The following BYSL variants were observed in gnomAD, a reference collection of about 807,000 sequenced individuals.
BYSL encodes the protein bystin.
A neutral mutation model predicts 45.4 loss-of-function variants in BYSL; 21 were observed. That is an observed-to-expected ratio of 0.46 (90% CI 0.33 to 0.67). The LOEUF (loss-of-function observed/expected upper bound fraction) is 0.67, where lower values mean the gene tolerates loss of function less well. Among genes scored for constraint, BYSL ranks in the 30% least tolerant of loss-of-function variants. The probability of loss-of-function intolerance (pLI) is 0.02; values close to 1 mark genes in which losing one functional copy is unlikely to be tolerated. For missense variants in BYSL, 522 were observed against 578.5 expected (o/e 0.90, Z 1.00); for synonymous variants, 215 against 231.3 (o/e 0.93, Z 0.64).
At chr6:41,927,654 G>T in intron 2 of BYSL, 118 bp downstream of exon 2, 1 of 1,309,992 alleles carries the variant, frequency 7.6e-7, no homozygotes, top group Non-Finnish European at 1.0e-6. Flanking sequence ...GCTAGCTGTA[G>T]GGGACCACCT....
At chr6:41,914,893 A>C in the BYSL span, among the ~76,000 whole-genome samples, 4 of 152,210 alleles carry the variant, frequency 2.6e-5, no homozygotes, top group African/African-American at 9.6e-5. Flanking sequence ...TAGAAACCCT[A>C]AAGCTCTAAA....
At chr6:41,912,199 C>CTTTTTTT in the BYSL span, among the ~76,000 whole-genome samples, 3 of 119,292 alleles carry the variant, frequency 2.5e-5, no homozygotes, top group African/African-American at 7.1e-5. Flanking sequence ...CCATGCCCAC[C>CTTTTTTT]TTTTTTTTTT....
At chr6:41,918,662 A>T (rs1775378508), upstream of BYSL, among the ~76,000 whole-genome samples, 1 of 151,900 alleles carries the variant, frequency 6.6e-6, no homozygotes. Context: ...AAATACAAAA[A>T]AATGGCCGGG....
At position 41,930,618 on chromosome 6, in the gene BYSL, A is replaced by G; in HGVS notation, c.571-17A>G. The G allele has an allele frequency of 6.3e-7, 1 of 1,594,944 alleles. No individual in the cohort carries two copies. The highest frequency in any genetic ancestry group is 8.5e-7 in the Non-Finnish European group (1 of 1,172,088). ...ATATGTGGATGACGATGATTGTTTT[A>G]CCTCCCTCATCCCTAGGTATTATCT... On this transcript the variant is annotated splice_polypyrimidine_tract_variant and intron_variant, in intron 3 of 6. Transcript: ENST00000230340.
chr6:41,911,578 GA>G, the BYSL span, among the ~76,000 whole-genome samples: 4 of 151,836 alleles, frequency 2.6e-5, no homozygotes, highest in Non-Finnish European at 5.9e-5. Flanking sequence ...AAGTCAGCAG[GA>G]AAAAAAAGTA....
chr6:41,929,224 T>C (rs1775603417), intron 2 of BYSL, among the ~76,000 whole-genome samples: 1 of 152,124 alleles, frequency 6.6e-6, no homozygotes, highest in African/African-American at 2.4e-5. Flanking sequence ...TAAATACATT[T>C]CAGTCTGGGC....
At chr6:41,926,198 A>G (rs955015963) in intron 1 of BYSL, among the ~76,000 whole-genome samples, 2 of 151,958 alleles carry the variant, frequency 1.3e-5, no homozygotes, top group African/African-American at 4.8e-5. Flanking sequence ...TGTCCTCACC[A>G]CTCATCCTTT....
Position 41,921,506 on chromosome 6 carries a change from T to G in BYSL, c.-57T>G. 1 of 1,514,816 alleles carries G rather than the reference T, an allele frequency of 6.6e-7. No homozygotes were observed. The highest frequency in any genetic ancestry group is 8.8e-7 in the Non-Finnish European group (1 of 1,131,992). The allele number at this position is 1,514,816 out of a possible 1,614,324, so 93.8% of individuals were successfully genotyped here. A position where few individuals can be genotyped will look rare whatever the true frequency, so the allele number is the denominator to read the frequency against. On this transcript the variant is annotated 5_prime_UTR_variant, in exon 1 of 7. Transcript: ENST00000230340. ...GCTGGGAGTCCACCGCGCAAGCGCA[T>G]CCTGGCCTTTCTTCAGTCCCCACGT...
At chr6:41,914,047 G>A in the BYSL span, among the ~76,000 whole-genome samples, 1 of 152,226 alleles carries the variant, frequency 6.6e-6, no homozygotes, top group Non-Finnish European at 1.5e-5. Flanking sequence ...GCCCATGTCA[G>A]ATAGTTTTGG....
chr6:41,912,352 C>CTTT, the BYSL span, among the ~76,000 whole-genome samples: 2 of 87,624 alleles, frequency 2.3e-5, no homozygotes, highest in Non-Finnish European at 2.1e-5. Context: ...GACCATAGTA[C>CTTT]TTTTTTTTTT....
At chr6:41,922,697 T>C (rs1246371837) in intron 1 of BYSL, among the ~76,000 whole-genome samples, 1 of 152,220 alleles carries the variant, frequency 6.6e-6, no homozygotes, top group Admixed American at 6.5e-5. Context: ...CTTGAGTGAC[T>C]ACTCCTAACT....
upstream of BYSL, chr6:41,916,721 T>C (rs1013576975): frequency 6.3e-7 from 1 of 1,578,902 alleles, no homozygotes; most frequent in Non-Finnish European, 8.7e-7. Flanking sequence ...AAGACTTCAA[T>C]TAACTCAAAT....
At chr6:41,927,804 G>A (rs1775584419) in intron 2 of BYSL, among the ~76,000 whole-genome samples, 1 of 152,132 alleles carries the variant, frequency 6.6e-6, no homozygotes, top group Non-Finnish European at 1.5e-5. Flanking sequence ...TACACCTCTG[G>A]GGAGAGCCAT....
upstream of BYSL, chr6:41,921,306 G>A (rs1775461510): frequency 1.7e-6 from 1 of 603,514 alleles, no homozygotes; most frequent in South Asian, 2.2e-5. Flanking sequence ...ATGAAGCTAG[G>A]AGAGCGACAC....
Position 41,930,681 on chromosome 6 carries a change from T to A in BYSL, c.617T>A (p.Ile206Asn). Reference protein sequence around the residue: ...RSGKLPKAFKIIPALSNWEQI... With the variant: ...RSGKLPKAFKNIPALSNWEQI... ...GGAAAACTGCCCAAGGCATTTAAGA[T>A]CATCCCTGCACTCTCCAACTGGGAG... Residue 206 changes from isoleucine (I) to asparagine (N), a missense_variant, in exon 4 of 7, where the codon ATC becomes AAC. Ile to Asn is a moderately radical substitution (Grantham distance 149). Coordinates refer to ENST00000230340, the MANE Select transcript of BYSL (RefSeq NM_004053.4). 6.2e-7 allele frequency: 1 copy of A among 1,613,740 alleles called. No homozygotes were observed. The highest frequency in any genetic ancestry group is 1.1e-5 in the South Asian group (1 of 91,026).
At chr6:41,920,196 G>A (rs1168662344), upstream of BYSL, among the ~76,000 whole-genome samples, 1 of 152,082 alleles carries the variant, frequency 6.6e-6, no homozygotes, top group Non-Finnish European at 1.5e-5. Flanking sequence ...ACCAACCATG[G>A]AATTAAACAT....
chr6:41,931,671 C>T (rs1310410743), intron 5 of BYSL, 57 bp from the exon 6 acceptor site: 2 of 1,604,888 alleles, frequency 1.2e-6, no homozygotes, highest in Non-Finnish European at 1.7e-6. Flanking sequence ...ATGCTTCCTG[C>T]TGTAACTCCT....
chr6:41,917,924 C>G (rs768610567), upstream of BYSL: 7 of 276,252 alleles, frequency 2.5e-5, no homozygotes, highest in Non-Finnish European at 4.9e-5. Context: ...GCCCTAGGAA[C>G]AAAAAAAGAA....
At chr6:41,912,175 T>C in the BYSL span, among the ~76,000 whole-genome samples, 3 of 149,892 alleles carry the variant, frequency 2.0e-5, no homozygotes, top group Admixed American at 1.3e-4. Context: ...CAGTGTCCCA[T>C]GTAGCTGGGA....
Sources: gnomAD v4.1 joint callset for allele counts (sites outside exome capture counted in the v4.1 genomes callset) on GRCh38, gnomAD v4.1.1 for gene constraint, MANE v1.5 for transcripts, NCBI Gene and HGNC (gene_info 2026-07-23, HGNC 2026-07-21) for gene names.